ADAMTS16: variants seen among roughly 807,000 people sequenced by gnomAD.
ADAMTS16 encodes the protein ADAM metallopeptidase with thrombospondin type 1 motif 16, also known as A disintegrin and metalloproteinase with thrombospondin motifs 16.
Under a neutral mutation model 145.8 loss-of-function variants are expected in ADAMTS16, and 94 were observed. That is an observed-to-expected ratio of 0.64 (90% confidence interval 0.55 to 0.77). ADAMTS16 has a LOEUF of 0.77. Ranked by LOEUF, ADAMTS16 falls within the 30% of genes least tolerant of loss-of-function variation. ADAMTS16 has a pLI of 0.00. For missense variants in ADAMTS16, 1,585 were observed against 1,591.5 expected (o/e 1.00, Z 0.07); for synonymous variants, 659 against 604.3 (o/e 1.09, Z -1.33).
intron 17 of ADAMTS16, among the ~76,000 whole-genome samples, chr5:5,258,129 A>T (rs1192470179): frequency 6.6e-6 from 1 of 152,180 alleles, no homozygotes; most frequent in African/African-American, 2.4e-5. Flanking sequence ...CTCCGTCATT[A>T]AAGAGGTTGA....
At chr5:5,174,344 T>G (rs1328110754) in intron 3 of ADAMTS16, among the ~76,000 whole-genome samples, 1 of 152,122 alleles carries the variant, frequency 6.6e-6, no homozygotes, top group East Asian at 1.9e-4. Context: ...TTTTATGTTG[T>G]TTTTTCTTTT....
intron 18 of ADAMTS16, among the ~76,000 whole-genome samples, chr5:5,284,910 A>G (rs1161232483): frequency 6.6e-6 from 1 of 152,172 alleles, no homozygotes; most frequent in Non-Finnish European, 1.5e-5. Context: ...AATGGAGCTG[A>G]TCTCCCTGCT....
chr5:5,263,509 G>A (rs1165565448), intron 18 of ADAMTS16, among the ~76,000 whole-genome samples: 2 of 152,366 alleles, frequency 1.3e-5, no homozygotes, highest in Middle Eastern at 3.4e-3. Context: ...CAGCAGGGGT[G>A]CCTCTCTACT....
chr5:5,272,696 T>A lies in ADAMTS16; in HGVS notation c.2789+9913T>A, dbSNP rs186728401. ...GATTTTTAACAAGGGGCCTGGCACA[T>A]TTGTTTTGCACTGGGGCCCACGAAC... On this transcript the variant is annotated intron_variant, in intron 18 of 22. Transcript: ENST00000274181. 1.1e-3 allele frequency among the ~76,000 whole-genome samples: 165 copies of A among 152,200 alleles called. 1 individual carries two copies. The highest frequency in any genetic ancestry group is 3.9e-3 in the African/African-American group (161 of 41,526).
rs1261919529 is a variant in ADAMTS16 at position 5,239,747 on chromosome 5, C to G, written c.2345C>G (p.Ser782Cys). 6.2e-7 allele frequency: 1 copy of G among 1,614,152 alleles called. No individual in the cohort carries two copies. Among genetic ancestry groups the G allele is most frequent in the East Asian group, 2.2e-5 (1 of 44,868 alleles). ...ATCCGCATCTATGAAATGAACGTCT[C>G]TACCTCCTACATTTCTGTGCGCAAT... Reference protein sequence around the residue: ...RSIRIYEMNVSTSYISVRNAL... With the variant: ...RSIRIYEMNVCTSYISVRNAL... Residue 782 changes from serine (S) to cysteine (C), a missense_variant, in exon 16 of 23, where the codon TCT becomes TGT. Coordinates refer to ENST00000274181, the MANE Select transcript of ADAMTS16 (RefSeq NM_139056.4).
At chr5:5,314,692 A>AT (rs1030053429) in intron 21 of ADAMTS16, among the ~76,000 whole-genome samples, 6 of 152,146 alleles carry the variant, frequency 3.9e-5, no homozygotes, top group South Asian at 2.1e-4. Context: ...CTCCCCATGG[A>AT]TTTTTTTCAC....
chr5:5,215,860 G>GTGTGTA lies in ADAMTS16; in HGVS notation c.1605+6622_1605+6627dup, dbSNP rs1413746531. Among the ~76,000 whole-genome samples the GTGTGTA allele has an allele frequency of 2.0e-4, 15 of 76,850 alleles. 1 individual carries two copies. The highest frequency in any genetic ancestry group is 7.3e-4 in the African/African-American group (15 of 20,478). 50.4% of individuals were successfully genotyped at this position (76,850 alleles called of 152,430 possible). ...TGGTGTGTATATATATATATATGTGGTGTGTATGTGTATATATATATATAT... is the reference window on the plus strand; with the variant it reads ...TGGTGTGTATATATATATATATGTGGTGTGTATGTGTATGTGTATATATATATATAT... On this transcript the variant is annotated intron_variant, in intron 10 of 22. Transcript: ENST00000274181.
chr5:5,151,213 C>A (rs1414353320), intron 3 of ADAMTS16, among the ~76,000 whole-genome samples: 1 of 143,624 alleles, frequency 7.0e-6, no homozygotes, highest in Non-Finnish European at 1.5e-5. Flanking sequence ...TATTTCTTTT[C>A]TCTTATTTAT....
At chr5:5,234,140 C>A (rs1312949718) in intron 12 of ADAMTS16, among the ~76,000 whole-genome samples, 1 of 152,346 alleles carries the variant, frequency 6.6e-6, no homozygotes, top group East Asian at 1.9e-4. Flanking sequence ...CACCTCACCC[C>A]CTACGCCACG....
intron 18 of ADAMTS16, among the ~76,000 whole-genome samples, chr5:5,280,095 T>C (rs529073823): frequency 6.6e-6 from 1 of 152,168 alleles, no homozygotes; most frequent in Non-Finnish European, 1.5e-5. Flanking sequence ...TGGTAGATTT[T>C]GCTCCTTTTT....
rs1734208070 is a variant in ADAMTS16 at position 5,319,658 on chromosome 5, GCTC to G, written c.*534_*536del. The G allele has an allele frequency of 1.8e-4, 64 of 349,508 alleles. No individual in the cohort carries two copies. Among genetic ancestry groups the G allele is most frequent in the East Asian group, 4.9e-4 (6 of 12,346 alleles). The allele number at this position is 349,508 out of a possible 1,614,324, so 21.7% of individuals were successfully genotyped here. A position where few individuals can be genotyped will look rare whatever the true frequency, so the allele number is the denominator to read the frequency against. On this transcript the variant is annotated 3_prime_UTR_variant, in exon 23 of 23. Coordinates refer to ENST00000274181, the MANE Select transcript of ADAMTS16 (RefSeq NM_139056.4). The stretch of plus-strand genomic sequence containing the variant: ...AGGGGAGCTCCAGGAGGCTGCCCAG[GCTC>G]CTCCTCCTCCTCCCCAGCGGCCGAG...
chr5:5,277,248 TC>T (rs1487816964), intron 18 of ADAMTS16, among the ~76,000 whole-genome samples: 1 of 152,134 alleles, frequency 6.6e-6, no homozygotes, highest in Non-Finnish European at 1.5e-5. Context: ...AAACCAGGCT[TC>T]CTCCCCATTC....
At chr5:5,217,723 A>T (rs1228903142) in intron 10 of ADAMTS16, among the ~76,000 whole-genome samples, 1 of 152,234 alleles carries the variant, frequency 6.6e-6, no homozygotes, top group East Asian at 1.9e-4. Flanking sequence ...TATGGACTAG[A>T]ATAAAAAGAG....
intron 21 of ADAMTS16, among the ~76,000 whole-genome samples, chr5:5,313,943 T>C (rs1740563489): frequency 6.6e-6 from 1 of 152,218 alleles, no homozygotes; most frequent in Non-Finnish European, 1.5e-5. Flanking sequence ...AATTATGTGG[T>C]GCCCAGAAAA....
At chr5:5,158,507 A>T (rs2126522933) in intron 3 of ADAMTS16, among the ~76,000 whole-genome samples, 1 of 147,778 alleles carries the variant, frequency 6.8e-6, no homozygotes, top group Admixed American at 6.8e-5. Context: ...CTCCCCAATC[A>T]GCCATCATGC....
chr5:5,193,252 C>A (rs868230257), intron 8 of ADAMTS16, among the ~76,000 whole-genome samples: 1 of 152,078 alleles, frequency 6.6e-6, no homozygotes, highest in South Asian at 2.1e-4. Context: ...GTTCTGCACC[C>A]TTTAGCTGTG....
At chr5:5,153,695 A>G (rs1388738122) in intron 3 of ADAMTS16, among the ~76,000 whole-genome samples, 2 of 152,190 alleles carry the variant, frequency 1.3e-5, no homozygotes, top group Non-Finnish European at 1.5e-5. Flanking sequence ...TGATGGGAAT[A>G]GATTTTTCTT....
At chr5:5,198,848 C>G (rs892350172) in intron 8 of ADAMTS16, among the ~76,000 whole-genome samples, 1 of 152,194 alleles carries the variant, frequency 6.6e-6, no homozygotes, top group African/African-American at 2.4e-5. Flanking sequence ...TGCCTTCTGT[C>G]CACTCCTTAT....
rs772105108 is a variant in ADAMTS16 at position 5,237,041 on chromosome 5, A to G, written c.2096A>G (p.Lys699Arg). The G allele has an allele frequency of 1.2e-6, 2 of 1,614,192 alleles. No homozygotes were observed. The highest frequency in any genetic ancestry group is 1.3e-5 in the African/African-American group (1 of 75,068). Reference protein sequence around the residue: ...DFFFSLSNKVKDGTPCSEDSR... With the variant: ...DFFFSLSNKVRDGTPCSEDSR... The stretch of plus-strand genomic sequence containing the variant: ...TTCTTTTCTTTGTCAAATAAAGTCA[A>G]AGATGGGACTCCATGCTCGGAGGAT... The change falls in exon 14 of 23, where the codon AAA (lysine) becomes AGA (arginine). Residue 699 changes from lysine to arginine, a missense_variant. Lys to Arg is a conservative substitution (Grantham distance 26). Around this residue, in one of 3 missense-constraint regions of ADAMTS16, gnomAD observed 834 missense variants for 811.7 expected, o/e 1.03. Coordinates refer to ENST00000274181, the MANE Select transcript of ADAMTS16 (RefSeq NM_139056.4).
Sources: allele counts gnomAD v4.1 joint callset (sites outside exome capture counted in the v4.1 genomes callset), GRCh38; gene constraint gnomAD v4.1.1; regional missense constraint gnomAD v4.1.1; transcripts MANE v1.5; gene names NCBI Gene and HGNC (gene_info 2026-07-23, HGNC 2026-07-21).